The following NUP153 variants were observed in gnomAD, a reference collection of about 807,000 sequenced individuals.
NUP153 encodes the protein nuclear pore complex protein Nup153.
Under a neutral mutation model 134.6 loss-of-function variants are expected in NUP153, and 27 were observed. The ratio of observed to expected loss-of-function variants is 0.20; its 90% CI spans 0.15 to 0.28. NUP153 has a LOEUF of 0.28. Ranked by LOEUF, NUP153 falls within the 10% of genes least tolerant of loss-of-function variation. NUP153 has a pLI of 1.00. For missense variants in NUP153, 1,821 were observed against 1,731.3 expected (o/e 1.05, Z -0.92); for synonymous variants, 640 against 623.5 (o/e 1.03, Z -0.40).
At chr6:17,694,200 C>T (rs1426433918) in intron 1 of NUP153, among the ~76,000 whole-genome samples, 2 of 152,142 alleles carry the variant, frequency 1.3e-5, no homozygotes, top group Non-Finnish European at 2.9e-5. Context: ...GTATTTAATG[C>T]TTGACATGTG....
At chr6:17,626,944 T>C (rs1414536081) in intron 18 of NUP153, among the ~76,000 whole-genome samples, 1 of 152,234 alleles carries the variant, frequency 6.6e-6, no homozygotes, top group African/African-American at 2.4e-5. Context: ...TTCTGCTGCT[T>C]TTATAAAATA....
intron 11 of NUP153, among the ~76,000 whole-genome samples, chr6:17,655,185 A>G (rs1327776473): frequency 1.3e-5 from 2 of 152,216 alleles, no homozygotes; most frequent in Admixed American, 6.5e-5. Context: ...CAAAAGGCCA[A>G]TATATTTAAT....
intron 2 of NUP153, among the ~76,000 whole-genome samples, chr6:17,677,030 G>C (rs1205455817): frequency 6.6e-6 from 1 of 152,170 alleles, no homozygotes; most frequent in African/African-American, 2.4e-5. Context: ...AGAATTTAAA[G>C]ATCTCATTAC....
intron 1 of NUP153, among the ~76,000 whole-genome samples, chr6:17,703,248 TA>T: frequency 6.8e-6 from 1 of 146,552 alleles, no homozygotes; most frequent in South Asian, 2.2e-4. Flanking sequence ...AGGAAAGTAG[TA>T]AACTTACAGC....
rs186150665 is a variant in NUP153 at position 17,661,711 on chromosome 6, C to T, written c.1337G>A (p.Gly446Asp). The T allele has an allele frequency of 1.2e-5, 20 of 1,613,924 alleles. No individual in the cohort carries two copies. Among genetic ancestry groups the T allele is most frequent in the Non-Finnish European group, 1.6e-5 (19 of 1,179,952 alleles). The change falls in exon 11 of 22, where the codon GGT (glycine) becomes GAT (aspartate). Residue 446 changes from glycine (G) to aspartate (D), a missense_variant. Gly to Asp is a moderately conservative substitution (Grantham distance 94). Coordinates refer to ENST00000262077, the MANE Select transcript of NUP153 (RefSeq NM_005124.4). Reference protein sequence around the residue: ...NGLSSGVGGGGGKMRRERTRF... With the variant: ...NGLSSGVGGGDGKMRRERTRF... Reference sequence around the variant, plus strand: ...TGTTCTTTCTCGTCTCATCTTGCCACCTCCACCACCTACTCCAGAAGATAA... The same window carrying T: ...TGTTCTTTCTCGTCTCATCTTGCCATCTCCACCACCTACTCCAGAAGATAA...
chr6:17,630,709 CGAGAGGGGAGGGGAGACAAGAGGG>C lies in NUP153; in HGVS notation c.2660-1194_2660-1171del, dbSNP rs757666083. Among the ~76,000 whole-genome samples the C allele has an allele frequency of 3.5e-5, 4 of 114,108 alleles. No homozygotes were observed. In the Admixed American group the frequency reaches 4.8e-4, roughly 14 times the overall value. 74.9% of individuals were successfully genotyped at this position (114,108 alleles called of 152,430 possible). A position where few individuals can be genotyped will look rare whatever the true frequency, so the allele number is the denominator to read the frequency against. ...AGAGGAGAGCAGAGGAGACGGGAGA[CGAGAGGGGAGGGGAGACAAGAGGG>C]GAGAGGGGAGGGGAGAAGGGAGGGG... On this transcript the variant is annotated intron_variant, in intron 17 of 21. Coordinates refer to ENST00000262077, the MANE Select transcript of NUP153 (RefSeq NM_005124.4).
chr6:17,693,541 G>A (rs1236547269), intron 1 of NUP153, among the ~76,000 whole-genome samples: 1 of 152,148 alleles, frequency 6.6e-6, no homozygotes, highest in East Asian at 1.9e-4. Context: ...TTGCTATCTT[G>A]TATTTATTCC....
intron 1 of NUP153, among the ~76,000 whole-genome samples, chr6:17,693,657 C>CGGGCAGATCACTTGAA (rs201355883): frequency 0.062 from 9,367 of 152,218 alleles, 389 homozygotes; most frequent in Non-Finnish European, 0.084. Flanking sequence ...GAGGCCGAGG[C>CGGGCAGATCACTTGAA]GGGCAGATCA....
At chr6:17,663,182 T>A (rs542968300) in intron 9 of NUP153, among the ~76,000 whole-genome samples, 1 of 151,682 alleles carries the variant, frequency 6.6e-6, no homozygotes, top group East Asian at 1.9e-4. Flanking sequence ...GTTCATGAAA[T>A]TTTTCTTGCA....
At chr6:17,701,238 A>AC in intron 1 of NUP153, among the ~76,000 whole-genome samples, 1 of 151,356 alleles carries the variant, frequency 6.6e-6, no homozygotes, top group South Asian at 2.1e-4. Flanking sequence ...AAAAAAAAAA[A>AC]AGCTAAATGC....
chr6:17,701,518 T>G (rs1440257281), intron 1 of NUP153, among the ~76,000 whole-genome samples: 1 of 151,300 alleles, frequency 6.6e-6, no homozygotes, highest in Non-Finnish European at 1.5e-5. Context: ...AAAAATTAGC[T>G]GGGCGTGGTG....
chr6:17,701,843 GGAA>G lies in NUP153; in HGVS notation c.111+4431_111+4433del, dbSNP rs1770120205. Among the ~76,000 whole-genome samples the G allele has an allele frequency of 1.0e-4, 9 of 87,318 alleles. 1 individual carries two copies. Among genetic ancestry groups the G allele is most frequent in the African/African-American group, 3.6e-4 (9 of 24,736 alleles). The allele number at this position is 87,318 out of a possible 152,430, so 57.3% of individuals were successfully genotyped here. On this transcript the variant is annotated intron_variant, in intron 1 of 21. Coordinates refer to ENST00000262077, the MANE Select transcript of NUP153 (RefSeq NM_005124.4). ...GCAAGACTCTGTCTCGGGGGGGGGG[GGAA>G]AAAAGCTAAATGCAGGAACTGACTT... is the stretch of plus-strand genomic sequence containing the variant.
intron 1 of NUP153, among the ~76,000 whole-genome samples, chr6:17,705,771 C>T (rs747558212): frequency 4.6e-5 from 7 of 152,062 alleles, no homozygotes; most frequent in Non-Finnish European, 1.0e-4. Flanking sequence ...TAAGTTATTC[C>T]ACTTTCCATG....
At chr6:17,634,071 A>G (rs953919719) in intron 16 of NUP153, among the ~76,000 whole-genome samples, 1 of 151,692 alleles carries the variant, frequency 6.6e-6, no homozygotes, top group African/African-American at 2.4e-5. Context: ...ATTTCAATCA[A>G]TTTCTGACTC....
intron 1 of NUP153, among the ~76,000 whole-genome samples, chr6:17,697,687 C>T (rs1344849458): frequency 6.8e-6 from 1 of 147,146 alleles, no homozygotes; most frequent in Non-Finnish European, 1.5e-5. Flanking sequence ...GACTCCATCT[C>T]AAAAAAAAGG....
At chr6:17,672,951 CAT>C (rs1768002557) in intron 5 of NUP153, among the ~76,000 whole-genome samples, 1 of 152,074 alleles carries the variant, frequency 6.6e-6, no homozygotes, top group Admixed American at 6.6e-5. Flanking sequence ...TAGAAGAAAA[CAT>C]AAGACAAAAT....
At chr6:17,698,411 G>A (rs1769805040) in intron 1 of NUP153, among the ~76,000 whole-genome samples, 1 of 152,196 alleles carries the variant, frequency 6.6e-6, no homozygotes, top group African/African-American at 2.4e-5. Context: ...GGGGAATATG[G>A]CGAAACCCTG....
chr6:17,644,362 A>AC (rs141972554), intron 14 of NUP153, among the ~76,000 whole-genome samples: 1 of 151,940 alleles, frequency 6.6e-6, no homozygotes, highest in African/African-American at 2.4e-5. Flanking sequence ...CATCCATCTC[A>AC]CCCCCAAGTA....
At chr6:17,665,656 A>G (rs4142295) in intron 8 of NUP153, among the ~76,000 whole-genome samples, 67,393 of 151,694 alleles carry the variant, frequency 0.44, 15,879 homozygotes, top group Middle Eastern at 0.74. Flanking sequence ...CTTTTCACAC[A>G]CATGCATGCA....
Sources: gnomAD v4.1 joint callset for allele counts (sites outside exome capture counted in the v4.1 genomes callset) on GRCh38, gnomAD v4.1.1 for gene constraint, MANE v1.5 for transcripts, NCBI Gene and HGNC (gene_info 2026-07-23, HGNC 2026-07-21) for gene names.